The following RHOU variants were observed in gnomAD, a reference collection of about 807,000 sequenced individuals.
The protein encoded by RHOU is rho-related GTP-binding protein RhoU.
RHOU carries 8 observed loss-of-function variants against 12.6 expected under a neutral mutation model. The observed-to-expected ratio is 0.64, with a 90% CI of 0.37 to 1.15. The LOEUF (loss-of-function observed/expected upper bound fraction) is 1.15. RHOU is among the 50% of genes most tolerant of loss of function. RHOU has a pLI of 0.01. For synonymous variants in RHOU, 161 were observed against 147.4 expected (o/e 1.09, Z -0.67); for missense variants, 258 against 347.0 (o/e 0.74, Z 2.04).
chr1:228,704,805 CTTGT>C, the RHOU span, among the ~76,000 whole-genome samples: 5 of 151,722 alleles, frequency 3.3e-5, no homozygotes, highest in East Asian at 1.9e-4. Flanking sequence ...TTTTTGTTTG[CTTGT>C]TTGTTTGTTT....
the RHOU span, among the ~76,000 whole-genome samples, chr1:228,686,627 C>T: frequency 0.15 from 22,639 of 152,110 alleles, 2,092 homozygotes; most frequent in South Asian, 0.25. Flanking sequence ...AAACTCATTG[C>T]GGTTTTTGCT....
chr1:228,698,448 G>C, the RHOU span, among the ~76,000 whole-genome samples: 7 of 152,314 alleles, frequency 4.6e-5, no homozygotes, highest in East Asian at 9.6e-4. Flanking sequence ...TAACTGTGCA[G>C]ATACTTTTCT....
the RHOU span, among the ~76,000 whole-genome samples, chr1:228,727,675 T>A: frequency 6.6e-6 from 1 of 152,162 alleles, no homozygotes; most frequent in Admixed American, 6.6e-5. Flanking sequence ...ATTGTAGGAC[T>A]GGGGGAGTGC....
chr1:228,710,232 C>T, the RHOU span, among the ~76,000 whole-genome samples: 1 of 152,168 alleles, frequency 6.6e-6, no homozygotes, highest in Non-Finnish European at 1.5e-5. Context: ...ACCACAGGTA[C>T]AAGGAGGAAC....
chr1:228,662,290 G>C, the RHOU span, among the ~76,000 whole-genome samples: 3 of 152,158 alleles, frequency 2.0e-5, no homozygotes, highest in African/African-American at 7.2e-5. Flanking sequence ...CAAGGATCTA[G>C]AACTAGAAAT....
chr1:228,650,161 G>A, the RHOU span: 4 of 456,094 alleles, frequency 8.8e-6, no homozygotes, highest in Middle Eastern at 3.3e-4. Context: ...GCTGCACTGC[G>A]GTTAGGGCCT....
At chr1:228,736,034 G>GCGCGTGGC (rs766213505) in intron 1 of RHOU, 30 bp downstream of exon 1, 12 of 1,563,220 alleles carry the variant, frequency 7.7e-6, no homozygotes. Context: ...GGGGCCGGGG[G>GCGCGTGGC]CGCGTGGCCG....
At chr1:228,687,084 A>G in the RHOU span, among the ~76,000 whole-genome samples, 1 of 152,194 alleles carries the variant, frequency 6.6e-6, no homozygotes, top group African/African-American at 2.4e-5. Context: ...TAGTGAGCTG[A>G]CTAGTAGGGG....
chr1:228,660,810 G>A, the RHOU span, among the ~76,000 whole-genome samples: 1 of 151,648 alleles, frequency 6.6e-6, no homozygotes, highest in Non-Finnish European at 1.5e-5. Context: ...GTGCATGCCT[G>A]TAATCCCAGC....
chr1:228,670,170 G>A, the RHOU span, among the ~76,000 whole-genome samples: 1 of 152,204 alleles, frequency 6.6e-6, no homozygotes. Flanking sequence ...GATTTAGATG[G>A]GGTTGGGGGT....
the RHOU span, among the ~76,000 whole-genome samples, chr1:228,647,531 G>T: frequency 2.0e-5 from 3 of 152,226 alleles, no homozygotes; most frequent in Non-Finnish European, 2.9e-5. Context: ...CTGGAGCGGA[G>T]ATCTTGGCTG....
At chr1:228,651,845 G>A in the RHOU span, among the ~76,000 whole-genome samples, 4 of 152,190 alleles carry the variant, frequency 2.6e-5, no homozygotes, top group Non-Finnish European at 5.9e-5. Context: ...GAAATAAGCT[G>A]ATCACCATCT....
At chr1:228,662,805 A>G in the RHOU span, among the ~76,000 whole-genome samples, 2 of 152,248 alleles carry the variant, frequency 1.3e-5, no homozygotes, top group Admixed American at 6.5e-5. Flanking sequence ...TGTTCTGCAC[A>G]TTAAAAAAAC....
At chr1:228,726,591 G>A in the RHOU span, among the ~76,000 whole-genome samples, 1 of 151,746 alleles carries the variant, frequency 6.6e-6, no homozygotes, top group East Asian at 1.9e-4. Context: ...CTTGAACTTG[G>A]GAGCCAGAGG....
At chr1:228,698,683 G>A in the RHOU span, among the ~76,000 whole-genome samples, 5 of 152,194 alleles carry the variant, frequency 3.3e-5, 1 homozygote, top group Admixed American at 3.3e-4. Flanking sequence ...AGGCCTCCTG[G>A]CAATGTTCTT....
chr1:228,650,304 G>A, the RHOU span: 15 of 464,206 alleles, frequency 3.2e-5, no homozygotes, highest in African/African-American at 1.8e-4. Context: ...AGGCAGCGGC[G>A]GGCTGGATGG....
At position 228,745,276 on chromosome 1, in the gene RHOU, C is replaced by G. The variant is rs1406451920; in HGVS notation, c.*1536C>G. Reference sequence around the variant, plus strand: ...ATGCTTCCGAGACACCACAAGGCAGCCTGAACACTCAGTTGCAGGGTCGGG... The same window carrying G: ...ATGCTTCCGAGACACCACAAGGCAGGCTGAACACTCAGTTGCAGGGTCGGG... On this transcript the variant is annotated 3_prime_UTR_variant, in exon 3 of 3. Coordinates refer to ENST00000366691, the MANE Select transcript of RHOU (RefSeq NM_021205.6). 4 of 152,232 alleles carry G rather than the reference C, an allele frequency of 2.6e-5. No homozygotes were observed. The highest frequency in any genetic ancestry group is 1.3e-4 in the Admixed American group (2 of 15,288). The allele number at this position is 152,232 out of a possible 1,614,324, so 9.4% of individuals were successfully genotyped here.
chr1:228,686,179 C>T, the RHOU span, among the ~76,000 whole-genome samples: 1 of 152,108 alleles, frequency 6.6e-6, no homozygotes, highest in Admixed American at 6.6e-5. Context: ...TCTCCCTTAT[C>T]TTCAACTTCT....
chr1:228,707,933 C>G, the RHOU span, among the ~76,000 whole-genome samples: 1 of 152,088 alleles, frequency 6.6e-6, no homozygotes, highest in Non-Finnish European at 1.5e-5. Context: ...GAATATATAA[C>G]TAGAATCACC....
Sources: allele counts gnomAD v4.1 joint callset (sites outside exome capture counted in the v4.1 genomes callset), GRCh38; gene constraint gnomAD v4.1.1; transcripts MANE v1.5; gene names NCBI Gene and HGNC (gene_info 2026-07-23, HGNC 2026-07-21).